The following BCAT1 variants were observed in gnomAD, a reference collection of about 807,000 sequenced individuals.
The protein encoded by BCAT1 is branched chain amino acid transaminase 1, also known as branched-chain-amino-acid aminotransferase, cytosolic.
In BCAT1, 48 loss-of-function variants were observed where a neutral mutation model predicts 52.4. The ratio of observed to expected loss-of-function variants is 0.92; its 90% confidence interval spans 0.73 to 1.16. The LOEUF (loss-of-function observed/expected upper bound fraction) is 1.16, where lower values mean the gene tolerates loss of function less well. Among genes scored for constraint, BCAT1 ranks in the 50% most tolerant of loss-of-function variants. The pLI, the probability that BCAT1 is intolerant of heterozygous loss-of-function variation, is 0.00. For missense variants in BCAT1, 451 were observed against 457.1 expected (o/e 0.99, Z 0.12); for synonymous variants, 167 against 161.3 (o/e 1.04, Z -0.27).
At chr12:24,865,632 T>C (rs1240151127) in intron 5 of BCAT1, among the ~76,000 whole-genome samples, 3 of 152,096 alleles carry the variant, frequency 2.0e-5, no homozygotes, top group South Asian at 2.1e-4. Context: ...TATATGTGTA[T>C]GTTATATGAT....
intron 7 of BCAT1, 126 bp downstream of exon 7, chr12:24,841,956 C>T (rs1485573560): frequency 1.8e-6 from 2 of 1,095,890 alleles, no homozygotes; most frequent in African/African-American, 1.6e-5. Flanking sequence ...AGCAAAAGCA[C>T]AGTAGTCCTT....
intron 5 of BCAT1, among the ~76,000 whole-genome samples, chr12:24,873,593 TG>T (rs374115953): frequency 5.8e-4 from 89 of 152,334 alleles, no homozygotes; most frequent in African/African-American, 2.0e-3. Flanking sequence ...CCAAAAAGCT[TG>T]GACTATCCCT....
intron 10 of BCAT1, among the ~76,000 whole-genome samples, chr12:24,823,048 T>C (rs1175150932): frequency 3.7e-5 from 5 of 136,898 alleles, no homozygotes; most frequent in African/African-American, 8.2e-5. Flanking sequence ...TTTTTTTTTT[T>C]CATTTGTTTT....
chr12:24,883,246 G>A (rs954984688), intron 3 of BCAT1, among the ~76,000 whole-genome samples: 1 of 152,132 alleles, frequency 6.6e-6, no homozygotes, highest in African/African-American at 2.4e-5. Flanking sequence ...AGATCACGCT[G>A]CTGCACTCCA....
At chr12:24,921,696 T>C (rs1369015222) in intron 1 of BCAT1, among the ~76,000 whole-genome samples, 1 of 152,168 alleles carries the variant, frequency 6.6e-6, no homozygotes, top group Non-Finnish European at 1.5e-5. Context: ...GAACAACAGT[T>C]ATAGAAAAAT....
Position 24,817,933 on chromosome 12 carries a change from A to G in BCAT1, c.*75T>C. 1 of 1,492,542 alleles carries G rather than the reference A, an allele frequency of 6.7e-7. No homozygotes were observed. Among genetic ancestry groups the G allele is most frequent in the Admixed American group, 1.7e-5 (1 of 57,776 alleles). 92.5% of individuals were successfully genotyped at this position (1,492,542 alleles called of 1,614,324 possible). The stretch of plus-strand genomic sequence containing the variant: ...CAGGTAGCCAAAGAAATCTATCACA[A>G]TTCAAATGCAACAGTCTGTCCCAGT... On this transcript the variant is annotated 3_prime_UTR_variant, in exon 11 of 11. Transcript: ENST00000261192.
At chr12:24,932,473 A>C (rs1943690340) in intron 1 of BCAT1, among the ~76,000 whole-genome samples, 1 of 152,222 alleles carries the variant, frequency 6.6e-6, no homozygotes, top group Admixed American at 6.5e-5. Flanking sequence ...GCTTTCTCTC[A>C]GTTCTGTCAC....
rs1941449941 is a variant in BCAT1 at position 24,849,783 on chromosome 12, T to C, written c.674+3A>G. On this transcript the variant is annotated splice_donor_region_variant and intron_variant, in intron 6 of 10. Coordinates refer to ENST00000261192, the MANE Select transcript of BCAT1 (RefSeq NM_005504.7). ...CTTTAGACAGAGACACAGATTTACT[T>C]ACCCTCCCATCTTGCAGTCCCCAGT... 15 of 1,604,432 alleles carry C rather than the reference T, an allele frequency of 9.3e-6. No individual in the cohort carries two copies. The highest frequency in any genetic ancestry group is 1.3e-5 in the Non-Finnish European group (15 of 1,173,434).
chr12:24,890,851 G>T (rs2139640601), intron 3 of BCAT1, among the ~76,000 whole-genome samples: 1 of 152,038 alleles, frequency 6.6e-6, no homozygotes, highest in South Asian at 2.1e-4. Flanking sequence ...TTACTTTGTG[G>T]ACTCTCCCCA....
intron 10 of BCAT1, 101 bp from the exon 11 acceptor site, chr12:24,818,150 C>T: frequency 1.7e-6 from 2 of 1,185,908 alleles, no homozygotes; most frequent in Admixed American, 3.8e-5. Flanking sequence ...AAAAGGTTCG[C>T]TTCTGCTTTG....
At chr12:24,879,922 T>C (rs1942447299) in intron 4 of BCAT1, among the ~76,000 whole-genome samples, 1 of 152,190 alleles carries the variant, frequency 6.6e-6, no homozygotes, top group African/African-American at 2.4e-5. Flanking sequence ...CTAACAAATA[T>C]TACTTCCCTT....
intron 1 of BCAT1, among the ~76,000 whole-genome samples, chr12:24,929,272 C>A (rs185162761): frequency 6.6e-6 from 1 of 152,328 alleles, no homozygotes; most frequent in African/African-American, 2.4e-5. Context: ...TGTCCTTAAA[C>A]TTTGCACTTG....
chr12:24,925,561 A>C (rs532678163), intron 1 of BCAT1, among the ~76,000 whole-genome samples: 9 of 152,058 alleles, frequency 5.9e-5, no homozygotes, highest in African/African-American at 2.2e-4. Flanking sequence ...TAAATAAAAA[A>C]TTGCAGCTCC....
At chr12:24,914,423 G>C (rs765559983) in intron 1 of BCAT1, among the ~76,000 whole-genome samples, 2 of 152,116 alleles carry the variant, frequency 1.3e-5, no homozygotes, top group African/African-American at 4.8e-5. Flanking sequence ...TCTTGCAGTC[G>C]TGAGAACAGG....
At position 24,813,448 on chromosome 12, in the gene BCAT1, T is replaced by C. The variant is rs1939761613; in HGVS notation, c.*4560A>G. The C allele has an allele frequency of 6.6e-6, 1 of 152,062 alleles. No homozygotes were observed. Among genetic ancestry groups the C allele is most frequent in the Non-Finnish European group, 1.5e-5 (1 of 67,916 alleles). 9.4% of individuals were successfully genotyped at this position (152,062 alleles called of 1,614,324 possible). A position where few individuals can be genotyped will look rare whatever the true frequency, so the allele number is the denominator to read the frequency against. On this transcript the variant is annotated 3_prime_UTR_variant, in exon 11 of 11. Coordinates refer to ENST00000261192, the MANE Select transcript of BCAT1 (RefSeq NM_005504.7). ...TTTAAACAGCATGGTTCATAATAGA[T>C]ATTTTCTAGAAAAATTCACTCTAGG... is the stretch of plus-strand genomic sequence containing the variant.
At chr12:24,832,646 A>G (rs1591785786) in intron 9 of BCAT1, 77 bp downstream of exon 9, 3 of 1,450,622 alleles carry the variant, frequency 2.1e-6, no homozygotes, top group Non-Finnish European at 1.8e-6. Context: ...TCCAGATACA[A>G]TTTTATTCAT....
chr12:24,942,561 A>G (rs1324778160), intron 1 of BCAT1, among the ~76,000 whole-genome samples: 1 of 147,978 alleles, frequency 6.8e-6, no homozygotes, highest in Non-Finnish European at 1.5e-5. Context: ...AAAAAAAAAG[A>G]TGGCTGGACT....
chr12:24,890,515 T>C (rs369680910), intron 3 of BCAT1, among the ~76,000 whole-genome samples: 1 of 152,150 alleles, frequency 6.6e-6, no homozygotes. Context: ...CATATGGCAA[T>C]GAAAGGGATG....
intron 10 of BCAT1, among the ~76,000 whole-genome samples, chr12:24,819,677 T>C (rs1402683272): frequency 6.6e-6 from 1 of 152,198 alleles, no homozygotes; most frequent in African/African-American, 2.4e-5. Context: ...GTACATGTGC[T>C]GTGTTTGTCT....
Sources: gnomAD v4.1 joint callset for allele counts (sites outside exome capture counted in the v4.1 genomes callset) on GRCh38, gnomAD v4.1.1 for gene constraint, MANE v1.5 for transcripts, NCBI Gene and HGNC (gene_info 2026-07-23, HGNC 2026-07-21) for gene names.